Variants in PTPRN2 observed in about 807,000 individuals in gnomAD.
PTPRN2 encodes receptor-type tyrosine-protein phosphatase N2.
Under a neutral mutation model 118.8 loss-of-function variants are expected in PTPRN2, and 74 were observed. That is an observed-to-expected ratio of 0.62 (90% CI 0.52 to 0.76). The LOEUF (loss-of-function observed/expected upper bound fraction) is 0.76. PTPRN2 is among the 30% of genes least tolerant of loss of function. The pLI is 0.00. For missense variants in PTPRN2, 1,481 were observed against 1,394.4 expected, an observed-to-expected ratio of 1.06 and a Z score of -0.99; for synonymous variants, 641 against 608.0, an observed-to-expected ratio of 1.05 and a Z score of -0.80.
chr7:158,052,528 A>G (rs959548919), intron 11 of PTPRN2, among the ~76,000 whole-genome samples: 3 of 152,184 alleles, frequency 2.0e-5, no homozygotes, highest in African/African-American at 7.2e-5. Flanking sequence ...CATGGATGGT[A>G]GAGGGGTGCG....
intron 2 of PTPRN2, among the ~76,000 whole-genome samples, chr7:158,415,260 T>G (rs996275008): frequency 1.4e-4 from 22 of 152,208 alleles, no homozygotes; most frequent in African/African-American, 5.3e-4. Flanking sequence ...GCAAAGCTGA[T>G]GAATGACGTC....
At chr7:157,742,593 C>T (rs1185742178) in intron 12 of PTPRN2, among the ~76,000 whole-genome samples, 2 of 151,612 alleles carry the variant, frequency 1.3e-5, no homozygotes, top group Non-Finnish European at 2.9e-5. Context: ...TCTGCAGATG[C>T]GTGTACCCCA....
In PTPRN2 at chr7:157,550,882, G is replaced by C. The variant is rs1024861736; in HGVS notation, c.2903-1863C>G. On this transcript the variant is annotated intron_variant, in intron 21 of 22. Transcript: ENST00000389418. This position sits in a 1 kb window ranked among gnomAD's most constrained non-coding sequence, Gnocchi z 5.2. The stretch of plus-strand genomic sequence containing the variant: ...TCCAAAGGCCTAAAAAGTCGACAAG[G>C]CTACAGTAAATACAATCTTGTTTTA... 6.6e-6 allele frequency among the ~76,000 whole-genome samples: 1 copy of C among 152,202 alleles called. No individual in the cohort carries two copies. The highest frequency in any genetic ancestry group is 2.4e-5 in the African/African-American group (1 of 41,450).
At chr7:157,855,299 C>T (rs887392826) in intron 12 of PTPRN2, among the ~76,000 whole-genome samples, 1 of 152,176 alleles carries the variant, frequency 6.6e-6, no homozygotes, top group African/African-American at 2.4e-5. Context: ...AACCCACGCG[C>T]CGGCTTCTCG....
intron 9 of PTPRN2, among the ~76,000 whole-genome samples, chr7:158,114,435 C>T (rs1261012001): frequency 2.6e-5 from 4 of 152,200 alleles, no homozygotes; most frequent in African/African-American, 9.6e-5. Context: ...GACTTCCAAC[C>T]CTAGACTAAC....
chr7:158,463,485 CATT>C (rs1303686748), intron 2 of PTPRN2, among the ~76,000 whole-genome samples: 1 of 152,078 alleles, frequency 6.6e-6, no homozygotes, highest in Non-Finnish European at 1.5e-5. Flanking sequence ...TCACCATCAT[CATT>C]ACCATTACCA....
chr7:158,082,771 C>T (rs1812934487), intron 10 of PTPRN2, among the ~76,000 whole-genome samples: 1 of 152,226 alleles, frequency 6.6e-6, no homozygotes, highest in Non-Finnish European at 1.5e-5. Context: ...ATCTTCTAGT[C>T]CAAGCCTGTG....
At chr7:158,510,657 TCTC>T (rs1462425792) in intron 1 of PTPRN2, among the ~76,000 whole-genome samples, 4 of 152,298 alleles carry the variant, frequency 2.6e-5, no homozygotes, top group African/African-American at 2.4e-5. Flanking sequence ...TATCAGAAAT[TCTC>T]CTATTTGATA....
rs534505211 is a variant in PTPRN2, at chr7:158,529,935, A to G, written c.113-40150T>C. On this transcript the variant is annotated intron_variant, in intron 1 of 22. Transcript: ENST00000389418. The surrounding 1 kb of genome is among the most constrained non-coding windows in gnomAD (Gnocchi z 4.7). ...CATATGCACGCTACCACACACATGC[A>G]CACATGTATCTCACATACCACACAC... 2.6e-5 allele frequency among the ~76,000 whole-genome samples: 4 copies of G among 152,198 alleles called. No homozygotes were observed. In the East Asian group the frequency reaches 7.7e-4, roughly 29 times the overall value.
At chr7:157,851,426 C>T (rs1192788594) in intron 12 of PTPRN2, among the ~76,000 whole-genome samples, 2 of 152,184 alleles carry the variant, frequency 1.3e-5, no homozygotes, top group African/African-American at 2.4e-5. Context: ...GAAACCCAAC[C>T]TACGGAGGCC....
At chr7:157,687,476 C>T (rs1797254870) in intron 12 of PTPRN2, among the ~76,000 whole-genome samples, 1 of 152,154 alleles carries the variant, frequency 6.6e-6, no homozygotes, top group Non-Finnish European at 1.5e-5. Context: ...TGCTCGGTGC[C>T]AGTTAATGTT....
At chr7:158,474,133 C>T (rs1196088052) in intron 2 of PTPRN2, among the ~76,000 whole-genome samples, 1 of 152,168 alleles carries the variant, frequency 6.6e-6, no homozygotes, top group East Asian at 1.9e-4. Context: ...CCGTGCGGCC[C>T]CACTGTGTCC....
chr7:158,016,327 C>T (rs919364535), intron 11 of PTPRN2, among the ~76,000 whole-genome samples: 1 of 152,150 alleles, frequency 6.6e-6, no homozygotes, highest in African/African-American at 2.4e-5. Flanking sequence ...TCCTGTGCCC[C>T]GCCGGGCCCA....
In PTPRN2 at chr7:157,914,175, G is replaced by C. The variant is rs185241301; in HGVS notation, c.1724-15438C>G. On this transcript the variant is annotated intron_variant, in intron 11 of 22. Transcript: ENST00000389418. ...TCCTCTCTTTTTTAAAATCACTTAT[G>C]ACAAAGGAGGTTTCTCAATTTTGTA... Among the ~76,000 whole-genome samples the C allele has an allele frequency of 3.1e-3, 471 of 152,104 alleles. 2 individuals carry two copies. The highest frequency in any genetic ancestry group is 5.0e-3 in the Non-Finnish European group (341 of 67,992).
At chr7:157,924,696 AG>A (rs1161593252) in intron 11 of PTPRN2, among the ~76,000 whole-genome samples, 6 of 152,276 alleles carry the variant, frequency 3.9e-5, no homozygotes, top group Admixed American at 6.5e-5. Context: ...CGAGTCAGCC[AG>A]GAGGCCACTG....
chr7:158,318,898 G>A (rs905084301), intron 2 of PTPRN2, among the ~76,000 whole-genome samples: 3 of 152,212 alleles, frequency 2.0e-5, no homozygotes, highest in Non-Finnish European at 2.9e-5. Flanking sequence ...CCAACGCTTC[G>A]CAACATGCAG....
chr7:157,911,758 T>C (rs1798117655), intron 11 of PTPRN2, among the ~76,000 whole-genome samples: 1 of 152,238 alleles, frequency 6.6e-6, no homozygotes, highest in Non-Finnish European at 1.5e-5. Flanking sequence ...GGTGCATAGT[T>C]TCTGTATGTA....
At chr7:157,979,666 C>G (rs1802991300) in intron 11 of PTPRN2, among the ~76,000 whole-genome samples, 1 of 152,226 alleles carries the variant, frequency 6.6e-6, no homozygotes, top group South Asian at 2.1e-4. Flanking sequence ...GTTCCTTTAT[C>G]TACCTCTGGT....
chr7:158,194,180 G>A (rs1353027603), intron 4 of PTPRN2, among the ~76,000 whole-genome samples: 3 of 152,198 alleles, frequency 2.0e-5, no homozygotes, highest in Non-Finnish European at 4.4e-5. Context: ...GTGAGTGCGT[G>A]TGTGCGTTTG....
Sources: gnomAD v4.1 joint callset for allele counts (sites outside exome capture counted in the v4.1 genomes callset) on GRCh38, gnomAD v4.1.1 for gene constraint, Gnocchi (gnomAD v3.1) non-coding constraint, MANE v1.5 for transcripts, NCBI Gene and HGNC (gene_info 2026-07-23, HGNC 2026-07-21) for gene names.